Variants in RIN2 observed in about 807,000 individuals in gnomAD.
RIN2 encodes the protein RAB5 interacting protein 2.
RIN2 carries 36 observed loss-of-function variants against 78.0 expected under a neutral mutation model. The ratio of observed to expected loss-of-function variants is 0.46; its 90% CI spans 0.35 to 0.61. RIN2 has a LOEUF of 0.61. RIN2 is among the 20% of genes least tolerant of loss of function. The pLI, the probability that RIN2 is intolerant of heterozygous loss-of-function variation, is 0.00. For synonymous variants in RIN2, 466 were observed against 466.8 expected, an observed-to-expected ratio of 1.00 and a Z score of 0.02; for missense variants, 1,087 against 1,159.7, an observed-to-expected ratio of 0.94 and a Z score of 0.91.
chr20:19,923,507 G>A (rs2146052697), intron 3 of RIN2, among the ~76,000 whole-genome samples: 1 of 147,068 alleles, frequency 6.8e-6, no homozygotes, highest in East Asian at 2.0e-4. Flanking sequence ...GCTGAGAGGT[G>A]TGGTTCACAC....
chr20:19,975,348 G>T lies in RIN2; in HGVS notation c.1323G>T (p.Ser441=). ...DMSISTSSSD[S]LEFDRSMPLF... is the part of the protein sequence containing the mutation. ...GCATTTCTACTTCCTCCTCCGACTC[G>T]CTGGAGTTCGACCGGAGCATGCCTC... Residue 441 remains serine, a synonymous_variant, in exon 9 of 13, where the codon TCG becomes TCT. Transcript: ENST00000255006. The surrounding 1 kb of genome is among the most constrained non-coding windows in gnomAD (Gnocchi z 4.9). 1 of 1,613,216 alleles carries T rather than the reference G, an allele frequency of 6.2e-7. No homozygotes were observed. The highest frequency in any genetic ancestry group is 8.5e-7 in the Non-Finnish European group (1 of 1,179,548).
chr20:19,823,542 C>A, intron 2 of RIN2: 1 of 1,272,990 alleles, frequency 7.9e-7, no homozygotes, highest in Non-Finnish European at 1.1e-6. Context: ...ACTGGGCAGT[C>A]CCCAGGATCT....
chr20:19,768,982 C>T (rs1434153823), intron 1 of RIN2, among the ~76,000 whole-genome samples: 1 of 143,182 alleles, frequency 7.0e-6, no homozygotes, highest in Admixed American at 7.3e-5. Context: ...AGTACAAAGT[C>T]GCACTCTCGG....
At chr20:19,864,296 G>T (rs911463504) in intron 2 of RIN2, among the ~76,000 whole-genome samples, 3 of 152,122 alleles carry the variant, frequency 2.0e-5, no homozygotes, top group African/African-American at 7.2e-5. Context: ...AAGTTGTTTG[G>T]TTAAGTTTGC....
intron 2 of RIN2, among the ~76,000 whole-genome samples, chr20:19,836,195 A>G (rs2036414662): frequency 6.6e-6 from 1 of 152,206 alleles, no homozygotes; most frequent in African/African-American, 2.4e-5. Context: ...GCAGACCACT[A>G]GGCAAAATGG....
chr20:19,905,228 A>T lies in RIN2; in HGVS notation c.57+15570A>T, dbSNP rs534251276. Among the ~76,000 whole-genome samples the T allele has an allele frequency of 2.0e-5, 3 of 152,196 alleles. No individual in the cohort carries two copies. In the South Asian group the frequency reaches 6.2e-4, roughly 32 times the overall value. On this transcript the variant is annotated intron_variant, in intron 3 of 12. Transcript: ENST00000255006. ...CAGACTCAAAACTCACACCTTCCCCACTTGGAAGGTAAGACAGGGAGGAGG... is the reference window on the plus strand; with the variant it reads ...CAGACTCAAAACTCACACCTTCCCCTCTTGGAAGGTAAGACAGGGAGGAGG...
intron 1 of RIN2, among the ~76,000 whole-genome samples, 173 bp downstream of exon 1, chr20:19,758,500 G>A (rs1355770429): frequency 1.3e-5 from 2 of 152,188 alleles, no homozygotes; most frequent in Non-Finnish European, 2.9e-5. Flanking sequence ...CGTCCTCGGG[G>A]ATCGTGGGGA....
intron 2 of RIN2, among the ~76,000 whole-genome samples, chr20:19,859,108 G>C (rs965766757): frequency 6.6e-6 from 1 of 152,196 alleles, no homozygotes; most frequent in Non-Finnish European, 1.5e-5. Context: ...CCCTTCCAGG[G>C]GGTCATACTT....
At chr20:19,935,317 A>G in intron 4 of RIN2, 118 bp downstream of exon 4, 1 of 1,248,228 alleles carries the variant, frequency 8.0e-7, no homozygotes, top group Non-Finnish European at 1.1e-6. Flanking sequence ...GTGTGGTAGC[A>G]GCTCTAGATG....
intron 5 of RIN2, among the ~76,000 whole-genome samples, 178 bp downstream of exon 5, chr20:19,956,985 C>T (rs2041571322): frequency 2.0e-5 from 3 of 152,234 alleles, no homozygotes; most frequent in African/African-American, 7.2e-5. Flanking sequence ...GAGCCCTTCA[C>T]GATGTGTCTT....
chr20:19,920,227 G>C (rs1245466930), intron 3 of RIN2, among the ~76,000 whole-genome samples: 3 of 151,690 alleles, frequency 2.0e-5, no homozygotes, highest in Non-Finnish European at 2.9e-5. Flanking sequence ...ACCCGGGAGG[G>C]GGAGCTTGCA....
rs1350525825 is a variant in RIN2 at position 19,990,025 on chromosome 20, C to T, written c.1782C>T (p.Ala594=). The T allele has an allele frequency of 4.4e-6, 7 of 1,573,334 alleles. No homozygotes were observed. The African/African-American group carries it at 9.5e-5, about 21-fold the overall frequency. Residue 594 remains alanine (A), a synonymous_variant, in exon 10 of 13, where the codon GCC becomes GCT. Coordinates refer to ENST00000255006, the MANE Select transcript of RIN2 (RefSeq NM_018993.4). ...EDQIDVVLEK[A]MHKCILKPLK... is the part of the protein sequence containing the mutation. ...TGGCAGATGTGGTGCTGGAAAAAGC[C>T]ATGCACAAGTGCATCTTGAAGCCCC...
intron 2 of RIN2, among the ~76,000 whole-genome samples, chr20:19,858,342 G>A (rs1264717505): frequency 6.6e-6 from 1 of 152,120 alleles, no homozygotes; most frequent in Non-Finnish European, 1.5e-5. Flanking sequence ...ACAAATTAGG[G>A]GAATAGATTG....
At chr20:19,876,475 T>C (rs2037857854) in intron 2 of RIN2, among the ~76,000 whole-genome samples, 1 of 152,188 alleles carries the variant, frequency 6.6e-6, no homozygotes, top group Admixed American at 6.5e-5. Context: ...ATAGGGCCTA[T>C]GGAGAAAGCC....
At chr20:19,988,827 A>G (rs576483978) in intron 9 of RIN2, among the ~76,000 whole-genome samples, 1 of 152,282 alleles carries the variant, frequency 6.6e-6, no homozygotes, top group East Asian at 1.9e-4. Context: ...TATCATAAAG[A>G]AATATCTACC....
At chr20:19,765,799 TG>T (rs2033858872) in intron 1 of RIN2, among the ~76,000 whole-genome samples, 2 of 111,420 alleles carry the variant, frequency 1.8e-5, no homozygotes, top group African/African-American at 3.4e-5. Flanking sequence ...TGGGATGGGG[TG>T]GGTTTAGGAG....
At chr20:19,855,383 A>G (rs569970925) in intron 2 of RIN2, among the ~76,000 whole-genome samples, 44 of 152,288 alleles carry the variant, frequency 2.9e-4, no homozygotes, top group African/African-American at 1.1e-3. Flanking sequence ...TATCAGGATG[A>G]TGCTGGCCTC....
At chr20:19,814,965 T>C (rs1265599975) in intron 2 of RIN2, among the ~76,000 whole-genome samples, 1 of 152,180 alleles carries the variant, frequency 6.6e-6, no homozygotes, top group Non-Finnish European at 1.5e-5. Context: ...ATCCAAATAT[T>C]AATTTAATTT....
chr20:19,925,734 A>C (rs758141697), intron 3 of RIN2, among the ~76,000 whole-genome samples: 4 of 152,260 alleles, frequency 2.6e-5, no homozygotes, highest in Non-Finnish European at 5.9e-5. Context: ...GTTTGATAAT[A>C]TCAATCATTG....
Sources: allele counts gnomAD v4.1 joint callset (sites outside exome capture counted in the v4.1 genomes callset), GRCh38; gene constraint gnomAD v4.1.1; non-coding constraint Gnocchi (gnomAD v3.1); transcripts MANE v1.5; gene names NCBI Gene and HGNC (gene_info 2026-07-23, HGNC 2026-07-21).